Variants in TRERF1 observed in about 807,000 individuals in gnomAD.
TRERF1 encodes the protein transcriptional regulating factor 1, also known as transcriptional-regulating factor 1.
A neutral mutation model predicts 122.9 loss-of-function variants in TRERF1; 27 were observed. The observed-to-expected ratio is 0.22, with a 90% CI of 0.16 to 0.30. TRERF1 has a LOEUF of 0.30. Among genes scored for constraint, TRERF1 ranks in the 10% least tolerant of loss-of-function variants. The pLI, the probability that TRERF1 is intolerant of heterozygous loss-of-function variation, is 1.00. For synonymous variants in TRERF1, 636 were observed against 641.7 expected, an observed-to-expected ratio of 0.99 and a Z score of 0.13; for missense variants, 1,248 against 1,560.3, an observed-to-expected ratio of 0.80 and a Z score of 3.37.
rs537170422 is a variant in TRERF1 at position 42,390,878 on chromosome 6, C to G, written c.-453-27799G>C. ...TGACACCCACAGACCAAGAAATACA[C>G]GAGCCGGCTCTGCAGGTTACTAGGG... On this transcript the variant is annotated intron_variant, in intron 2 of 17. Transcript: ENST00000372922. Among the ~76,000 whole-genome samples the G allele has an allele frequency of 6.6e-5, 10 of 152,262 alleles. 2 individuals carry two copies. The South Asian group carries it at 2.1e-3, about 32-fold the overall frequency.
intron 2 of TRERF1, among the ~76,000 whole-genome samples, chr6:42,391,442 C>CG (rs1311134103): frequency 2.0e-5 from 3 of 150,424 alleles, no homozygotes; most frequent in Admixed American, 6.6e-5. Flanking sequence ...ATTTCCCAGC[C>CG]GGGGGGAACA....
intron 4 of TRERF1, among the ~76,000 whole-genome samples, chr6:42,270,768 CTTTTTTTTTTTTT>C (rs1175342905): frequency 8.4e-6 from 1 of 119,622 alleles, no homozygotes; most frequent in Admixed American, 8.6e-5. Flanking sequence ...GACCTCATCT[CTTTTTTTTTTTTT>C]TTTTTTTTTG....
chr6:42,377,519 A>G (rs1223029999), intron 2 of TRERF1, among the ~76,000 whole-genome samples: 1 of 152,266 alleles, frequency 6.6e-6, no homozygotes, highest in Non-Finnish European at 1.5e-5. Context: ...TTATGGATGA[A>G]TAACATTCCA....
At chr6:42,359,634 G>T (rs1258578018) in intron 3 of TRERF1, among the ~76,000 whole-genome samples, 1 of 152,198 alleles carries the variant, frequency 6.6e-6, no homozygotes, top group African/African-American at 2.4e-5. Flanking sequence ...TCAGGCAGGA[G>T]AATCACTTGA....
intron 2 of TRERF1, among the ~76,000 whole-genome samples, chr6:42,404,405 C>A (rs1779878794): frequency 1.3e-5 from 2 of 152,074 alleles, no homozygotes; most frequent in Admixed American, 1.3e-4. Flanking sequence ...CTCCATAGCA[C>A]AATTCTAATC....
intron 2 of TRERF1, among the ~76,000 whole-genome samples, chr6:42,363,615 G>A (rs935537586): frequency 2.0e-5 from 3 of 152,194 alleles, no homozygotes; most frequent in Admixed American, 2.0e-4. Flanking sequence ...CATATTAGGA[G>A]ACAGGGTCAT....
chr6:42,447,561 C>T (rs1010052974), intron 2 of TRERF1, among the ~76,000 whole-genome samples: 8 of 152,350 alleles, frequency 5.3e-5, no homozygotes, highest in Non-Finnish European at 1.0e-4. Flanking sequence ...TTTAATCCTT[C>T]CTCCTCCCTC....
At chr6:42,234,336 G>C (rs1290072468) in intron 16 of TRERF1, among the ~76,000 whole-genome samples, 2 of 149,422 alleles carry the variant, frequency 1.3e-5, no homozygotes, top group Non-Finnish European at 3.0e-5. Flanking sequence ...TTGTTTGTTT[G>C]TTTGCTTGTT....
intron 2 of TRERF1, among the ~76,000 whole-genome samples, chr6:42,376,486 C>T (rs1774889998): frequency 6.7e-6 from 1 of 150,086 alleles, no homozygotes. Context: ...CCCAGAAGGG[C>T]AGAGGGGAGA....
At chr6:42,363,961 T>C (rs534857113) in intron 2 of TRERF1, among the ~76,000 whole-genome samples, 4 of 152,194 alleles carry the variant, frequency 2.6e-5, no homozygotes, top group Admixed American at 1.3e-4. Flanking sequence ...AGCTAACAAA[T>C]ACAGCATGCT....
intron 2 of TRERF1, among the ~76,000 whole-genome samples, chr6:42,369,530 C>T (rs1218273331): frequency 6.6e-6 from 1 of 152,056 alleles, no homozygotes; most frequent in African/African-American, 2.4e-5. Flanking sequence ...AATCTAAAAT[C>T]TGCACCCCCA....
chr6:42,294,267 C>T (rs1263055089), intron 4 of TRERF1, among the ~76,000 whole-genome samples: 23 of 151,144 alleles, frequency 1.5e-4, no homozygotes, highest in South Asian at 4.2e-4. Flanking sequence ...CTGCAACCTC[C>T]GCTTCCTGGG....
At chr6:42,240,943 A>G (rs542804167) in intron 15 of TRERF1, among the ~76,000 whole-genome samples, 25 of 152,034 alleles carry the variant, frequency 1.6e-4, no homozygotes, top group African/African-American at 5.3e-4. Flanking sequence ...CCCAGGCTGG[A>G]GTACGGTGGC....
chr6:42,331,813 C>T (rs2150578598), intron 3 of TRERF1, among the ~76,000 whole-genome samples: 1 of 152,344 alleles, frequency 6.6e-6, no homozygotes, highest in South Asian at 2.1e-4. Flanking sequence ...ACCCCAGGCC[C>T]ACGCGGGCCA....
intron 2 of TRERF1, among the ~76,000 whole-genome samples, chr6:42,443,153 G>A (rs893027880): frequency 1.3e-5 from 2 of 152,046 alleles, no homozygotes; most frequent in African/African-American, 2.4e-5. Flanking sequence ...CAAAATCAAC[G>A]ACACATATTT....
At chr6:42,286,121 A>G (rs1582818660) in intron 4 of TRERF1, among the ~76,000 whole-genome samples, 1 of 149,372 alleles carries the variant, frequency 6.7e-6, no homozygotes, top group African/African-American at 2.4e-5. Flanking sequence ...CCTTCCTTAC[A>G]CCTTATACAA....
chr6:42,430,082 TGAG>T (rs1247858758), intron 2 of TRERF1, among the ~76,000 whole-genome samples: 2 of 149,290 alleles, frequency 1.3e-5, no homozygotes, highest in African/African-American at 2.5e-5. Flanking sequence ...AGAGGAGGAA[TGAG>T]GAGGAGAGCT....
At chr6:42,394,365 T>C (rs1581974545) in intron 2 of TRERF1, among the ~76,000 whole-genome samples, 1 of 152,166 alleles carries the variant, frequency 6.6e-6, no homozygotes, top group Admixed American at 6.5e-5. Flanking sequence ...GGACAAGGCT[T>C]GGAAGGCACA....
In TRERF1 at chr6:42,259,842, C is replaced by G. The variant is rs1384346164; in HGVS notation, c.1885-119G>C. The G allele has an allele frequency of 1.4e-6, 2 of 1,380,400 alleles. No individual in the cohort carries two copies. The highest frequency in any genetic ancestry group is 2.0e-6 in the Non-Finnish European group (2 of 1,024,760). The allele number at this position is 1,380,400 out of a possible 1,614,324, so 85.5% of individuals were successfully genotyped here. Reference sequence around the variant, plus strand: ...CAGAGAGCCCTTCTGCTTGACCCCCCCACCCCCAACGCCCCCACATTCTGA... The same window carrying G: ...CAGAGAGCCCTTCTGCTTGACCCCCGCACCCCCAACGCCCCCACATTCTGA... On this transcript the variant is annotated intron_variant, in intron 8 of 17. Transcript: ENST00000372922. The surrounding 1 kb of genome is among the most constrained non-coding windows in gnomAD (Gnocchi z 4.9).
Sources: gnomAD v4.1 joint callset for allele counts (sites outside exome capture counted in the v4.1 genomes callset) on GRCh38, gnomAD v4.1.1 for gene constraint, Gnocchi (gnomAD v3.1) non-coding constraint, MANE v1.5 for transcripts, NCBI Gene and HGNC (gene_info 2026-07-23, HGNC 2026-07-21) for gene names.